The following STK38 variants were observed in gnomAD, a reference collection of about 807,000 sequenced individuals.
STK38 encodes the protein serine/threonine-protein kinase 38.
STK38 carries 26 observed loss-of-function variants against 59.0 expected under a neutral mutation model. The observed-to-expected ratio is 0.44, with a 90% CI of 0.32 to 0.61. The LOEUF (loss-of-function observed/expected upper bound fraction) is 0.61. STK38 is among the 20% of genes least tolerant of loss of function. The pLI, the probability that STK38 is intolerant of heterozygous loss-of-function variation, is 0.04. For missense variants in STK38, 433 were observed against 566.0 expected (o/e 0.76, Z 2.38); for synonymous variants, 175 against 176.6 (o/e 0.99, Z 0.07).
chr6:36,500,791 G>C (rs1187017041), intron 9 of STK38, among the ~76,000 whole-genome samples: 1 of 147,832 alleles, frequency 6.8e-6, no homozygotes, highest in South Asian at 2.1e-4. Context: ...AGGAATTATA[G>C]TATCTTACTC....
intron 2 of STK38, among the ~76,000 whole-genome samples, chr6:36,534,885 T>C (rs1777750852): frequency 6.7e-6 from 1 of 149,828 alleles, no homozygotes; most frequent in Non-Finnish European, 1.5e-5. Flanking sequence ...AGTAAAACTG[T>C]CTCTACCTGA....
intron 5 of STK38, among the ~76,000 whole-genome samples, chr6:36,518,111 G>A (rs1349428677): frequency 6.6e-6 from 1 of 152,182 alleles, no homozygotes; most frequent in African/African-American, 2.4e-5. Context: ...CTTTAACACT[G>A]CTATAAACTG....
intron 2 of STK38, among the ~76,000 whole-genome samples, chr6:36,527,213 T>A (rs1777543677): frequency 1.6e-5 from 2 of 123,952 alleles, no homozygotes; most frequent in African/African-American, 6.7e-5. Context: ...AAAAAATATA[T>A]GTATATATAT....
chr6:36,532,436 T>C lies in STK38; in HGVS notation c.132-6794A>G, dbSNP rs994337242. On this transcript the variant is annotated intron_variant, in intron 2 of 13. Transcript: ENST00000229812. ...GGAACAATAAAGCCTGAAAGTCTTA[T>C]TGAGCTGTATCAGTAAATCCAAAAC... Among the ~76,000 whole-genome samples the C allele has an allele frequency of 3.9e-5, 6 of 152,196 alleles. No homozygotes were observed. In the East Asian group the frequency reaches 5.8e-4, roughly 15 times the overall value.
intron 2 of STK38, among the ~76,000 whole-genome samples, chr6:36,529,863 G>C (rs1166279726): frequency 6.6e-6 from 1 of 152,164 alleles, no homozygotes; most frequent in Non-Finnish European, 1.5e-5. Context: ...AGGTAGCAGG[G>C]ATGAGAGAAT....
intron 2 of STK38, among the ~76,000 whole-genome samples, chr6:36,528,503 C>T (rs2127484330): frequency 6.6e-6 from 1 of 152,236 alleles, no homozygotes; most frequent in East Asian, 1.9e-4. Flanking sequence ...GGATATGATG[C>T]CACTAATCAA....
chr6:36,533,617 T>A (rs1261884634), intron 2 of STK38, among the ~76,000 whole-genome samples: 1 of 152,218 alleles, frequency 6.6e-6, no homozygotes, highest in South Asian at 2.1e-4. Context: ...TTATTAATAA[T>A]GTAAATAAAA....
intron 2 of STK38, among the ~76,000 whole-genome samples, chr6:36,534,745 C>T (rs1362315055): frequency 1.3e-5 from 2 of 151,536 alleles, no homozygotes; most frequent in African/African-American, 2.4e-5. Flanking sequence ...ACAGTGAGCA[C>T]GTTTGCTCTT....
At chr6:36,508,640 T>C (rs1284664749) in intron 7 of STK38, among the ~76,000 whole-genome samples, 1 of 152,258 alleles carries the variant, frequency 6.6e-6, no homozygotes, top group Non-Finnish European at 1.5e-5. Flanking sequence ...ACCCGAGTTT[T>C]GCTCAGGTCC....
chr6:36,510,416 C>T (rs951151270), intron 7 of STK38, among the ~76,000 whole-genome samples: 1 of 152,212 alleles, frequency 6.6e-6, no homozygotes, highest in Non-Finnish European at 1.5e-5. Flanking sequence ...AGAAGTCAGG[C>T]AGCAGGAGCA....
At position 36,515,344 on chromosome 6, in the gene STK38, G is replaced by C; in HGVS notation, c.663C>G (p.Asp221Glu). ...GCCAATGCCCCCCCAATACCTTGCT[G>C]TCCAAAAGAAGGTTGTCTGGTTTGA... Reference protein sequence around the residue: ...RDIKPDNLLLDSKGHVKLSDF... With the variant: ...RDIKPDNLLLESKGHVKLSDF... Residue 221 changes from aspartate (D) to glutamate (E), a missense_variant, in exon 7 of 14, where the codon GAC becomes GAG. Physicochemically the swap from Asp to Glu is conservative, Grantham distance 45 (BLOSUM62 2). This residue lies in a region of STK38 where 293 missense variants were observed against 388.2 expected (regional missense o/e 0.75). Transcript: ENST00000229812. 1 of 1,613,994 alleles carries C rather than the reference G, an allele frequency of 6.2e-7. No individual in the cohort carries two copies. Among genetic ancestry groups the C allele is most frequent in the Non-Finnish European group, 8.5e-7 (1 of 1,179,954 alleles).
intron 5 of STK38, among the ~76,000 whole-genome samples, chr6:36,521,273 A>G (rs1777369498): frequency 6.6e-6 from 1 of 152,184 alleles, no homozygotes; most frequent in Non-Finnish European, 1.5e-5. Context: ...GCTACCTAGA[A>G]GACTCAACTT....
intron 2 of STK38, among the ~76,000 whole-genome samples, chr6:36,537,562 A>C (rs1484078232): frequency 6.6e-6 from 1 of 152,168 alleles, no homozygotes; most frequent in Non-Finnish European, 1.5e-5. Flanking sequence ...CAACAATAAA[A>C]AGGAACAAAT....
intron 13 of STK38, 149 bp from the exon 14 acceptor site, chr6:36,496,063 T>G (rs1776697637): frequency 2.1e-5 from 16 of 746,356 alleles, no homozygotes; most frequent in Admixed American, 3.1e-5. Flanking sequence ...TTTTTTTTTT[T>G]GAGACAGAGT....
intron 9 of STK38, among the ~76,000 whole-genome samples, chr6:36,506,293 T>C (rs148972168): frequency 2.0e-5 from 3 of 152,188 alleles, no homozygotes; most frequent in Admixed American, 2.0e-4. Flanking sequence ...CCTTTACCAC[T>C]ATGAAAATGG....
chr6:36,540,354 A>C lies in STK38; in HGVS notation c.-5-147T>G, dbSNP rs146675554. 314 of 753,614 alleles carry C rather than the reference A, an allele frequency of 4.2e-4. No individual in the cohort carries two copies. In the African/African-American group the frequency reaches 5.0e-3, roughly 12 times the overall value. 46.7% of individuals were successfully genotyped at this position (753,614 alleles called of 1,614,324 possible). ...ATGTAACAAAAGCCAGAGAAAGAGA[A>C]TACTTAGTGAAAATAAATATAAATT... On this transcript the variant is annotated intron_variant, in intron 1 of 13. Coordinates refer to ENST00000229812, the MANE Select transcript of STK38 (RefSeq NM_007271.4).
At position 36,530,457 on chromosome 6, in the gene STK38, C is replaced by T. The variant is rs959331937; in HGVS notation, c.132-4815G>A. ...TCGGCTCACTGCAACCTCTGCCTCC[C>T]GGGTACAAGTGATTCTTCTGCCTCA... On this transcript the variant is annotated intron_variant, in intron 2 of 13. Transcript: ENST00000229812. Among the ~76,000 whole-genome samples the T allele has an allele frequency of 5.3e-5, 8 of 151,226 alleles. No individual in the cohort carries two copies. The East Asian group carries it at 1.2e-3, about 23-fold the overall frequency.
intron 7 of STK38, among the ~76,000 whole-genome samples, chr6:36,508,045 C>T (rs1436472350): frequency 6.6e-6 from 1 of 151,244 alleles, no homozygotes; most frequent in Non-Finnish European, 1.5e-5. Flanking sequence ...GCAATCCTCC[C>T]AACTCAGCTT....
At position 36,527,097 on chromosome 6, in the gene STK38, C is replaced by G. The variant is rs1314469008; in HGVS notation, c.132-1455G>C. Among the ~76,000 whole-genome samples, 13 of 146,580 alleles carry G rather than the reference C, an allele frequency of 8.9e-5. 1 individual carries two copies. Among genetic ancestry groups the G allele is most frequent in the African/African-American group, 3.3e-4 (13 of 39,332 alleles). On this transcript the variant is annotated intron_variant, in intron 2 of 13. Coordinates refer to ENST00000229812, the MANE Select transcript of STK38 (RefSeq NM_007271.4). ...GTCCCAGCTACTCAGGAGGCTGAAG[C>G]AGAAGAATTGCCTGAACCTGGGAGG... is the stretch of plus-strand genomic sequence containing the variant.
Sources: allele counts gnomAD v4.1 joint callset (sites outside exome capture counted in the v4.1 genomes callset), GRCh38; gene constraint gnomAD v4.1.1; regional missense constraint gnomAD v4.1.1; transcripts MANE v1.5; gene names NCBI Gene and HGNC (gene_info 2026-07-23, HGNC 2026-07-21).